Variants in KCNMA1 observed in about 807,000 individuals in gnomAD.
KCNMA1 encodes the protein potassium calcium-activated channel subfamily M alpha 1.
Under a neutral mutation model 140.0 loss-of-function variants are expected in KCNMA1, and 29 were observed. The ratio of observed to expected loss-of-function variants is 0.21; its 90% CI spans 0.15 to 0.28. The LOEUF (loss-of-function observed/expected upper bound fraction) is 0.28, where lower values mean the gene tolerates loss of function less well. Ranked by LOEUF, KCNMA1 falls within the 10% of genes least tolerant of loss-of-function variation. KCNMA1 has a pLI of 1.00. For synonymous variants in KCNMA1, 612 were observed against 611.9 expected (o/e 1.00, Z 0.00); for missense variants, 880 against 1,602.2 (o/e 0.55, Z 7.70).
intron 2 of KCNMA1, among the ~76,000 whole-genome samples, chr10:77,386,034 C>T (rs2045448): frequency 0.22 from 34,102 of 152,140 alleles, 4,413 homozygotes; most frequent in Non-Finnish European, 0.3. Flanking sequence ...TATGTCTCCC[C>T]GAGTTTCCCA....
intron 2 of KCNMA1, among the ~76,000 whole-genome samples, chr10:77,267,577 A>T (rs537115618): frequency 1.3e-5 from 2 of 152,322 alleles, no homozygotes; most frequent in East Asian, 3.9e-4. Context: ...CCAAGGCAGG[A>T]AGATTTTTCT....
At chr10:77,549,309 C>T (rs1194381893) in intron 1 of KCNMA1, among the ~76,000 whole-genome samples, 1 of 152,210 alleles carries the variant, frequency 6.6e-6, no homozygotes, top group Non-Finnish European at 1.5e-5. Context: ...TCTCCATTAT[C>T]TTGAGGAGTA....
chr10:77,190,412 C>G (rs1367669142), intron 3 of KCNMA1, among the ~76,000 whole-genome samples: 1 of 152,188 alleles, frequency 6.6e-6, no homozygotes, highest in Non-Finnish European at 1.5e-5. Context: ...AATCAAGACC[C>G]TGCAGCTATG....
chr10:77,631,401 T>C (rs2093188142), intron 1 of KCNMA1, among the ~76,000 whole-genome samples: 1 of 152,148 alleles, frequency 6.6e-6, no homozygotes, highest in Non-Finnish European at 1.5e-5. Context: ...GGACCCAGTG[T>C]TCCCCACACG....
At chr10:77,636,568 A>T in intron 1 of KCNMA1, 1 of 1,536,146 alleles carries the variant, frequency 6.5e-7, no homozygotes. Context: ...CCACTAGAGC[A>T]CCTAAGGGAC....
At chr10:77,379,357 C>T (rs1252026230) in intron 2 of KCNMA1, among the ~76,000 whole-genome samples, 1 of 152,096 alleles carries the variant, frequency 6.6e-6, no homozygotes, top group Non-Finnish European at 1.5e-5. Context: ...GCATAAAACC[C>T]TCTTCTACCC....
chr10:77,172,869 G>A (rs1477272727), intron 5 of KCNMA1, among the ~76,000 whole-genome samples: 1 of 152,094 alleles, frequency 6.6e-6, no homozygotes, highest in East Asian at 1.9e-4. Flanking sequence ...TCTGGGGAGG[G>A]TTTTTTCTCT....
chr10:77,169,310 GAGA>G (rs894421246), intron 5 of KCNMA1, among the ~76,000 whole-genome samples: 2 of 152,174 alleles, frequency 1.3e-5, no homozygotes, highest in African/African-American at 4.8e-5. Context: ...AACAGGGCTG[GAGA>G]AGAAGGCTAG....
intron 2 of KCNMA1, among the ~76,000 whole-genome samples, chr10:77,398,192 A>G (rs1160799262): frequency 2.6e-5 from 4 of 151,992 alleles, no homozygotes; most frequent in Non-Finnish European, 5.9e-5. Context: ...TCTTTCTTAT[A>G]TAATGATTTC....
At chr10:77,052,643 T>C (rs1410443131) in intron 14 of KCNMA1, among the ~76,000 whole-genome samples, 1 of 150,638 alleles carries the variant, frequency 6.6e-6, no homozygotes, top group Non-Finnish European at 1.5e-5. Context: ...AGGGTACTTA[T>C]TCAAAATATT....
chr10:77,599,004 G>A (rs2081803225), intron 1 of KCNMA1, among the ~76,000 whole-genome samples: 2 of 152,212 alleles, frequency 1.3e-5, no homozygotes, highest in South Asian at 4.1e-4. Flanking sequence ...AGGGGGCCAG[G>A]CCCCAGCTCA....
At chr10:77,288,425 T>C (rs2071825492) in intron 2 of KCNMA1, among the ~76,000 whole-genome samples, 1 of 152,250 alleles carries the variant, frequency 6.6e-6, no homozygotes, top group Non-Finnish European at 1.5e-5. Flanking sequence ...TCAATCTGAA[T>C]GTGATGACAG....
rs370663809 is a variant in KCNMA1 at position 77,295,436 on chromosome 10, C to T, written c.541-44180G>A. Among the ~76,000 whole-genome samples the T allele has an allele frequency of 2.8e-4, 42 of 151,730 alleles. No individual in the cohort carries two copies. The East Asian group carries it at 6.4e-3, about 23-fold the overall frequency. On this transcript the variant is annotated intron_variant, in intron 2 of 27. Transcript: ENST00000286628. The stretch of plus-strand genomic sequence containing the variant: ...AGACACGCATATATGTGTGCACATA[C>T]GCTTGTATGTGCATAGATTCTCACT...
chr10:77,346,108 T>C (rs1423569737), intron 2 of KCNMA1, among the ~76,000 whole-genome samples: 1 of 152,206 alleles, frequency 6.6e-6, no homozygotes, highest in Admixed American at 6.5e-5. Context: ...TATGCTAGTC[T>C]TCATGACGAA....
chr10:77,345,821 C>G (rs1253953048), intron 2 of KCNMA1, among the ~76,000 whole-genome samples: 1 of 152,174 alleles, frequency 6.6e-6, no homozygotes, highest in Non-Finnish European at 1.5e-5. Context: ...TTGAACAATG[C>G]CTGGGACACA....
chr10:77,416,872 C>A lies in KCNMA1; in HGVS notation c.379-12849G>T, dbSNP rs138486286. 1.3e-5 allele frequency among the ~76,000 whole-genome samples: 2 copies of A among 152,180 alleles called. 1 individual carries two copies. The highest frequency in any genetic ancestry group is 4.1e-4 in the South Asian group (2 of 4,828). On this transcript the variant is annotated intron_variant, in intron 1 of 27. Coordinates refer to ENST00000286628, the MANE Select transcript of KCNMA1 (RefSeq NM_001161352.2). ...TCTGTCCTGCTTTGTTTTCACTCTT[C>A]GCTCATATCTTCTGGAATCTCAAAA... is the stretch of plus-strand genomic sequence containing the variant.
intron 9 of KCNMA1, among the ~76,000 whole-genome samples, chr10:77,104,342 T>A (rs998799930): frequency 6.6e-6 from 1 of 152,186 alleles, no homozygotes; most frequent in Admixed American, 6.5e-5. Context: ...TTTCTTGAAT[T>A]GGAGCAAGAG....
chr10:77,394,816 G>T (rs2095981903), intron 2 of KCNMA1, among the ~76,000 whole-genome samples: 1 of 152,172 alleles, frequency 6.6e-6, no homozygotes, highest in African/African-American at 2.4e-5. Flanking sequence ...CAGGCATACA[G>T]GGAGTGGCAA....
At chr10:76,965,286 GA>G (rs1451244285) in intron 20 of KCNMA1, among the ~76,000 whole-genome samples, 1 of 152,156 alleles carries the variant, frequency 6.6e-6, no homozygotes, top group Non-Finnish European at 1.5e-5. Flanking sequence ...GTGTCCTTGG[GA>G]AAACTATGTA....
Sources: gnomAD v4.1 joint callset for allele counts (sites outside exome capture counted in the v4.1 genomes callset) on GRCh38, gnomAD v4.1.1 for gene constraint, MANE v1.5 for transcripts, NCBI Gene and HGNC (gene_info 2026-07-23, HGNC 2026-07-21) for gene names.